ACTN4: variants seen among roughly 807,000 people sequenced by gnomAD.
ACTN4 encodes the protein alpha-actinin-4.
In ACTN4, 18 loss-of-function variants were observed where a neutral mutation model predicts 114.2. The ratio of observed to expected loss-of-function variants is 0.16; its 90% CI spans 0.11 to 0.23. ACTN4 has a LOEUF of 0.23. ACTN4 is among the 10% of genes least tolerant of loss of function. The probability of loss-of-function intolerance (pLI) is 1.00; values close to 1 mark genes in which losing one functional copy is unlikely to be tolerated. For missense variants in ACTN4, 722 were observed against 1,262.9 expected (o/e 0.57, Z 6.49); for synonymous variants, 515 against 506.3 (o/e 1.02, Z -0.23).
At chr19:38,687,956 T>C (rs1216387754) in intron 1 of ACTN4, among the ~76,000 whole-genome samples, 1 of 152,074 alleles carries the variant, frequency 6.6e-6, no homozygotes, top group Non-Finnish European at 1.5e-5. Flanking sequence ...AGGATTCAAA[T>C]AGACACTTCT....
At chr19:38,700,949 T>G in intron 2 of ACTN4, 53 bp from the exon 3 acceptor site, 1 of 1,605,952 alleles carries the variant, frequency 6.2e-7, no homozygotes, top group Non-Finnish European at 8.5e-7. Flanking sequence ...TCGCCCTCTC[T>G]CCCTTTCTCT....
rs765613845 is a variant in ACTN4, at chr19:38,721,519, G to A, written c.1292-19G>A. On this transcript the variant is annotated intron_variant, in intron 11 of 20. Coordinates refer to ENST00000252699, the MANE Select transcript of ACTN4 (RefSeq NM_004924.6). ...ACAGCTGCCGTGCTGTGGTCTAAGC[G>A]TCTCTCTGCTCCTACCAGGGAAGGA... is the stretch of plus-strand genomic sequence containing the variant. 2.9e-5 allele frequency: 47 copies of A among 1,613,326 alleles called. No homozygotes were observed. In the South Asian group the frequency reaches 3.6e-4, roughly 12 times the overall value.
chr19:38,677,213 C>T (rs1192368012), intron 1 of ACTN4, among the ~76,000 whole-genome samples: 1 of 152,156 alleles, frequency 6.6e-6, no homozygotes, highest in Non-Finnish European at 1.5e-5. Flanking sequence ...TCTACTTCTC[C>T]TTTTAACTCC....
At chr19:38,712,396 A>C (rs988312599) in intron 8 of ACTN4, among the ~76,000 whole-genome samples, 4 of 152,076 alleles carry the variant, frequency 2.6e-5, no homozygotes, top group African/African-American at 9.7e-5. Context: ...CCCACCTGTG[A>C]AATGGGCATC....
chr19:38,677,564 G>A (rs933434195), intron 1 of ACTN4, among the ~76,000 whole-genome samples: 6 of 151,424 alleles, frequency 4.0e-5, no homozygotes, highest in African/African-American at 1.2e-4. Flanking sequence ...TATCATGACC[G>A]CCCAGGCCCC....
At chr19:38,673,699 ATTTATATATT>A (rs1967270167) in intron 1 of ACTN4, among the ~76,000 whole-genome samples, 1 of 61,484 alleles carries the variant, frequency 1.6e-5, no homozygotes, top group East Asian at 3.7e-4. Flanking sequence ...TATTATATAT[ATTTATATATT>A]TATATATTTA....
intron 1 of ACTN4, among the ~76,000 whole-genome samples, chr19:38,660,911 G>A (rs1164751028): frequency 6.6e-6 from 1 of 152,164 alleles, no homozygotes; most frequent in East Asian, 1.9e-4. Context: ...GGAGTGTGCA[G>A]TGCAGGTACT....
intron 1 of ACTN4, among the ~76,000 whole-genome samples, chr19:38,679,603 T>A (rs900177257): frequency 3.0e-4 from 23 of 77,466 alleles, no homozygotes; most frequent in Admixed American, 6.7e-4. Flanking sequence ...GTGTGTGTAT[T>A]TTTTTAGAGA....
At chr19:38,663,661 G>A (rs1449447030) in intron 1 of ACTN4, among the ~76,000 whole-genome samples, 2 of 152,226 alleles carry the variant, frequency 1.3e-5, no homozygotes, top group Admixed American at 6.5e-5. Flanking sequence ...TTTCTTAGCT[G>A]CCTCTTTGGA....
At chr19:38,659,322 G>T (rs1280432553) in intron 1 of ACTN4, among the ~76,000 whole-genome samples, 1 of 152,128 alleles carries the variant, frequency 6.6e-6, no homozygotes, top group African/African-American at 2.4e-5. Flanking sequence ...CTCCCAAAGT[G>T]CTGGGATTAC....
At position 38,728,041 on chromosome 19, in the gene ACTN4, G is replaced by T. The variant is rs367562973; in HGVS notation, c.2418+15G>T. 55 of 1,601,512 alleles carry T rather than the reference G, an allele frequency of 3.4e-5. No individual in the cohort carries two copies. Among genetic ancestry groups the T allele is most frequent in the Non-Finnish European group, 4.6e-5 (54 of 1,174,570 alleles). On this transcript the variant is annotated intron_variant, in intron 19 of 20. Coordinates refer to ENST00000252699, the MANE Select transcript of ACTN4 (RefSeq NM_004924.6). ...ACGACCGGCAGGTACTGCACCCTGG[G>T]CCCCAGCGGACCATGGCATTAACTG...
In ACTN4 at chr19:38,731,547, G is replaced by T; in HGVS notation, c.*2115G>T. 1 of 396,502 alleles carries T rather than the reference G, an allele frequency of 2.5e-6. No homozygotes were observed. The highest frequency in any genetic ancestry group is 4.7e-6 in the Non-Finnish European group (1 of 210,892). The allele number at this position is 396,502 out of a possible 1,614,324, so 24.6% of individuals were successfully genotyped here. ...TTTCTCCTTGCCAGTGGGCACTGGAGGATATTTCTGTGCAGCAAAAAATAT... is the reference window on the plus strand; with the variant it reads ...TTTCTCCTTGCCAGTGGGCACTGGATGATATTTCTGTGCAGCAAAAAATAT... On this transcript the variant is annotated 3_prime_UTR_variant, in exon 21 of 21. Transcript: ENST00000252699.
intron 1 of ACTN4, among the ~76,000 whole-genome samples, chr19:38,684,411 C>T (rs1967675686): frequency 6.6e-6 from 1 of 152,134 alleles, no homozygotes; most frequent in Non-Finnish European, 1.5e-5. Flanking sequence ...GAACCCACAC[C>T]TTCCCAGTGC....
chr19:38,700,215 T>C (rs1335254442), intron 1 of ACTN4, among the ~76,000 whole-genome samples: 2 of 152,232 alleles, frequency 1.3e-5, no homozygotes, highest in African/African-American at 4.8e-5. Context: ...CATGTTTGTG[T>C]GACTGAGTGA....
At chr19:38,706,749 G>A (rs971956326) in intron 5 of ACTN4, among the ~76,000 whole-genome samples, 3 of 152,346 alleles carry the variant, frequency 2.0e-5, no homozygotes, top group Middle Eastern at 3.4e-3. Flanking sequence ...CAGCTCAGGA[G>A]TGAATTGTTT....
At chr19:38,671,674 A>C (rs760454095) in intron 1 of ACTN4, among the ~76,000 whole-genome samples, 5 of 152,178 alleles carry the variant, frequency 3.3e-5, no homozygotes, top group Non-Finnish European at 7.3e-5. Flanking sequence ...TTGGACACTT[A>C]TCCCTGAAAA....
chr19:38,663,788 C>T (rs1976965005), intron 1 of ACTN4, among the ~76,000 whole-genome samples: 1 of 152,332 alleles, frequency 6.6e-6, no homozygotes, highest in East Asian at 1.9e-4. Flanking sequence ...CCAGACCTGT[C>T]GTTCTGGGTC....
intron 1 of ACTN4, among the ~76,000 whole-genome samples, chr19:38,698,528 C>T (rs1015573851): frequency 5.9e-5 from 9 of 152,148 alleles, no homozygotes; most frequent in Non-Finnish European, 1.2e-4. Flanking sequence ...AGAGCAAGGG[C>T]GTGATGTGGT....
chr19:38,722,995 A>G (rs1329529899), intron 12 of ACTN4, among the ~76,000 whole-genome samples: 1 of 152,168 alleles, frequency 6.6e-6, no homozygotes, highest in African/African-American at 2.4e-5. Context: ...AGCCCTGCTG[A>G]GCACTGATTA....
Sources: allele counts gnomAD v4.1 joint callset (sites outside exome capture counted in the v4.1 genomes callset), GRCh38; gene constraint gnomAD v4.1.1; transcripts MANE v1.5; gene names NCBI Gene and HGNC (gene_info 2026-07-23, HGNC 2026-07-21).